Variants in FRMD4B observed in about 807,000 individuals in gnomAD.
FRMD4B encodes FERM domain-containing protein 4B.
A neutral mutation model predicts 141.5 loss-of-function variants in FRMD4B; 74 were observed. The observed-to-expected ratio is 0.52, with a 90% CI of 0.43 to 0.63. The LOEUF is 0.63. Among genes scored for constraint, FRMD4B ranks in the 30% least tolerant of loss-of-function variants. The pLI is 0.00. For synonymous variants in FRMD4B, 506 were observed against 467.9 expected (o/e 1.08, Z -1.05); for missense variants, 1,366 against 1,253.4 (o/e 1.09, Z -1.36).
intron 11 of FRMD4B, among the ~76,000 whole-genome samples, chr3:69,204,481 G>A (rs6784841): frequency 0.09 from 13,681 of 152,198 alleles, 631 homozygotes; most frequent in African/African-American, 0.11. Context: ...CTATACATCA[G>A]TGACTCACAC....
At chr3:69,436,157 TC>T (rs1341358654) in intron 1 of FRMD4B, among the ~76,000 whole-genome samples, 2 of 152,268 alleles carry the variant, frequency 1.3e-5, no homozygotes, top group South Asian at 2.1e-4. Flanking sequence ...ACCAGAGAGT[TC>T]CCCTCCCTCA....
chr3:69,359,205 G>A (rs1173428603), intron 1 of FRMD4B, among the ~76,000 whole-genome samples: 1 of 152,070 alleles, frequency 6.6e-6, no homozygotes, highest in Non-Finnish European at 1.5e-5. Flanking sequence ...GTAAGACTTA[G>A]GAGGAAAATA....
At chr3:69,352,352 T>G (rs13323667) in intron 1 of FRMD4B, among the ~76,000 whole-genome samples, 3,356 of 152,238 alleles carry the variant, frequency 0.022, 109 homozygotes, top group African/African-American at 0.075. Context: ...TTAGAGACAA[T>G]GGACTCATTT....
Position 69,385,984 on chromosome 3 carries a change from A to G in FRMD4B, c.6T>C (p.Ala2=). The G allele has an allele frequency of 6.3e-7, 1 of 1,589,870 alleles. No individual in the cohort carries two copies. Among genetic ancestry groups the G allele is most frequent in the Non-Finnish European group, 8.6e-7 (1 of 1,166,498 alleles). ...CCTCCACGCCACACATGAACACCGA[A>G]GCCATGCCTCCTCCTTCGCTCTGAA... M[A]SVFMCGVEDL... Residue 2 remains alanine (A), a synonymous_variant, in exon 1 of 23, where the codon GCT becomes GCC. Coordinates refer to ENST00000398540, the MANE Select transcript of FRMD4B (RefSeq NM_015123.3).
intron 7 of FRMD4B, among the ~76,000 whole-genome samples, chr3:69,233,575 A>G (rs143010097): frequency 6.6e-6 from 1 of 152,182 alleles, no homozygotes; most frequent in East Asian, 1.9e-4. Context: ...GAAAATGTGT[A>G]TGTGGATGTA....
intron 1 of FRMD4B, among the ~76,000 whole-genome samples, chr3:69,511,307 T>G (rs1706682591): frequency 6.6e-6 from 1 of 152,140 alleles, no homozygotes; most frequent in African/African-American, 2.4e-5. Flanking sequence ...TGAAAAAGAA[T>G]TTATAATTTT....
intron 1 of FRMD4B, among the ~76,000 whole-genome samples, chr3:69,356,986 T>G (rs1371428584): frequency 6.6e-6 from 1 of 152,210 alleles, no homozygotes; most frequent in Non-Finnish European, 1.5e-5. Flanking sequence ...ATATCCTATC[T>G]AATATGTCAG....
intron 8 of FRMD4B, among the ~76,000 whole-genome samples, chr3:69,222,549 A>T (rs961606148): frequency 2.6e-5 from 4 of 151,880 alleles, no homozygotes; most frequent in Admixed American, 2.6e-4. Context: ...AGGCAGGCAG[A>T]TCACCTGAGG....
chr3:69,502,644 A>T (rs1447258071), intron 1 of FRMD4B, among the ~76,000 whole-genome samples: 1 of 152,150 alleles, frequency 6.6e-6, no homozygotes, highest in Non-Finnish European at 1.5e-5. Context: ...TGTCTAAAAC[A>T]CCAAAAGCAA....
intron 1 of FRMD4B, among the ~76,000 whole-genome samples, chr3:69,462,733 A>T (rs1309416082): frequency 6.6e-6 from 1 of 152,244 alleles, no homozygotes; most frequent in Non-Finnish European, 1.5e-5. Context: ...CTTGCTGTAC[A>T]GCCAGGTAGC....
At chr3:69,253,842 C>T (rs1410395797) in intron 5 of FRMD4B, among the ~76,000 whole-genome samples, 1 of 152,178 alleles carries the variant, frequency 6.6e-6, no homozygotes, top group Non-Finnish European at 1.5e-5. Context: ...AATCCCAGCA[C>T]TTTGGGAGGC....
intron 3 of FRMD4B, among the ~76,000 whole-genome samples, chr3:69,304,173 C>G (rs1485690487): frequency 1.3e-5 from 1 of 79,676 alleles, no homozygotes; most frequent in Non-Finnish European, 2.3e-5. Flanking sequence ...GATAACTTGT[C>G]TCAAAAAAAA....
At chr3:69,303,183 C>T (rs1016974032) in intron 3 of FRMD4B, among the ~76,000 whole-genome samples, 13 of 152,104 alleles carry the variant, frequency 8.5e-5, no homozygotes, top group Middle Eastern at 3.2e-3. Flanking sequence ...ACGGGTGTGG[C>T]GGCAGACACA....
At chr3:69,308,904 TA>T (rs1701480464) in intron 3 of FRMD4B, among the ~76,000 whole-genome samples, 2 of 152,204 alleles carry the variant, frequency 1.3e-5, no homozygotes, top group Non-Finnish European at 2.9e-5. Context: ...CCACCCTGTC[TA>T]AAACTGAACC....
chr3:69,342,533 C>T (rs1391754455), intron 1 of FRMD4B, among the ~76,000 whole-genome samples: 2 of 152,134 alleles, frequency 1.3e-5, no homozygotes, highest in Non-Finnish European at 2.9e-5. Flanking sequence ...AGACTACTGC[C>T]ATCATTTGCC....
intron 1 of FRMD4B, among the ~76,000 whole-genome samples, chr3:69,533,042 T>C (rs1559555247): frequency 6.6e-6 from 1 of 152,238 alleles, no homozygotes; most frequent in Non-Finnish European, 1.5e-5. Context: ...TCAGTGTTTA[T>C]TTGAGGGGCA....
chr3:69,360,479 G>A (rs1184403110), intron 1 of FRMD4B, among the ~76,000 whole-genome samples: 3 of 152,032 alleles, frequency 2.0e-5, no homozygotes, highest in Non-Finnish European at 2.9e-5. Flanking sequence ...CCCCAAGTTT[G>A]TTTGAATCAA....
chr3:69,330,064 G>A (rs987143590), intron 1 of FRMD4B, among the ~76,000 whole-genome samples: 1 of 152,022 alleles, frequency 6.6e-6, no homozygotes, highest in African/African-American at 2.4e-5. Flanking sequence ...TTTTGCCACT[G>A]GAATGTAAGT....
At chr3:69,376,159 A>G (rs1703966111) in intron 1 of FRMD4B, among the ~76,000 whole-genome samples, 2 of 152,184 alleles carry the variant, frequency 1.3e-5, no homozygotes, top group Admixed American at 1.3e-4. Flanking sequence ...ATGCCTGGGA[A>G]TAAAAAACTT....
Sources: allele counts gnomAD v4.1 joint callset (sites outside exome capture counted in the v4.1 genomes callset), GRCh38; gene constraint gnomAD v4.1.1; transcripts MANE v1.5; gene names NCBI Gene and HGNC (gene_info 2026-07-23, HGNC 2026-07-21).